Variants in MCC observed in about 807,000 individuals in gnomAD.
MCC encodes the protein MCC regulator of Wnt signaling pathway, also known as colorectal mutant cancer protein.
Under a neutral mutation model 116.2 loss-of-function variants are expected in MCC, and 90 were observed. The ratio of observed to expected loss-of-function variants is 0.77; its 90% CI spans 0.65 to 0.92. The LOEUF is 0.92. Ranked by LOEUF, MCC falls within the 40% of genes least tolerant of loss-of-function variation. The probability of loss-of-function intolerance (pLI) is 0.00; values close to 1 mark genes in which losing one functional copy is unlikely to be tolerated. For synonymous variants in MCC, 578 were observed against 510.5 expected (o/e 1.13, Z -1.78); for missense variants, 1,516 against 1,312.2 (o/e 1.16, Z -2.40).
At chr5:113,320,930 A>G (rs768197527) in intron 3 of MCC, among the ~76,000 whole-genome samples, 35 of 152,346 alleles carry the variant, frequency 2.3e-4, no homozygotes, top group South Asian at 2.1e-4. Context: ...TACTTTCTCA[A>G]ATATTTCCAA....
At chr5:113,189,695 G>C (rs748794715) in intron 3 of MCC, among the ~76,000 whole-genome samples, 14 of 152,162 alleles carry the variant, frequency 9.2e-5, no homozygotes, top group Non-Finnish European at 1.9e-4. Context: ...GCAGGAGGCT[G>C]GCTCCAAGTG....
At chr5:113,381,743 G>A (rs1769128364) in intron 2 of MCC, among the ~76,000 whole-genome samples, 1 of 152,072 alleles carries the variant, frequency 6.6e-6, no homozygotes, top group South Asian at 2.1e-4. Context: ...AGCCATGATT[G>A]CACCACTGCA....
chr5:113,191,779 C>T (rs1762162117), intron 3 of MCC, among the ~76,000 whole-genome samples: 1 of 152,176 alleles, frequency 6.6e-6, no homozygotes, highest in South Asian at 2.1e-4. Flanking sequence ...AGAGCAGCCC[C>T]CAGTGGGCCA....
At chr5:113,159,563 G>T (rs1760366965) in intron 3 of MCC, among the ~76,000 whole-genome samples, 1 of 152,164 alleles carries the variant, frequency 6.6e-6, no homozygotes, top group African/African-American at 2.4e-5. Flanking sequence ...CAATCCAAGA[G>T]CTCGTGGGTA....
chr5:113,481,440 C>T (rs1390677743), intron 1 of MCC, among the ~76,000 whole-genome samples: 1 of 151,984 alleles, frequency 6.6e-6, no homozygotes, highest in African/African-American at 2.4e-5. Context: ...GAGATTACAA[C>T]AAATATAAAT....
chr5:113,266,692 A>G (rs1013035886), intron 3 of MCC, among the ~76,000 whole-genome samples: 52 of 152,254 alleles, frequency 3.4e-4, no homozygotes, highest in African/African-American at 1.2e-3. Context: ...ACTTCCTTAC[A>G]TTTAAAGGCA....
Position 113,327,933 on chromosome 5 carries a change from T to C in MCC, c.627+12586A>G, listed in dbSNP as rs1335344493. ...TACCTAATAGTATTATTCCTCAGTA[T>C]GAAAAATAAATCTGACACATATAAA... On this transcript the variant is annotated intron_variant, in intron 3 of 18. Coordinates refer to ENST00000408903, the MANE Select transcript of MCC (RefSeq NM_001085377.2). 2.0e-5 allele frequency among the ~76,000 whole-genome samples: 3 copies of C among 152,188 alleles called. No individual in the cohort carries two copies. In the East Asian group the frequency reaches 5.8e-4, roughly 29 times the overall value.
intron 1 of MCC, among the ~76,000 whole-genome samples, chr5:113,438,354 TA>T (rs1223669745): frequency 6.6e-6 from 1 of 152,210 alleles, no homozygotes; most frequent in East Asian, 1.9e-4. Context: ...ACGGGGCAGA[TA>T]AATCTGGTTT....
At chr5:113,057,504 A>AAAG (rs149264499) in intron 14 of MCC, among the ~76,000 whole-genome samples, 1 of 6,356 alleles carries the variant, frequency 1.6e-4, no homozygotes, top group Admixed American at 3.5e-3. Context: ...TGTATTTTAA[A>AAAG]AATGAGAGGG....
At chr5:113,270,875 C>T (rs1314702519) in intron 3 of MCC, among the ~76,000 whole-genome samples, 1 of 151,800 alleles carries the variant, frequency 6.6e-6, no homozygotes, top group Non-Finnish European at 1.5e-5. Context: ...AGAAAGATAA[C>T]TGCTTCACTT....
At chr5:113,307,140 C>T (rs1291643999) in intron 3 of MCC, among the ~76,000 whole-genome samples, 1 of 152,158 alleles carries the variant, frequency 6.6e-6, no homozygotes, top group Non-Finnish European at 1.5e-5. Context: ...TCTTCTGAGT[C>T]CCTTGCATTT....
rs780077747 is a variant in MCC, at chr5:113,384,988, G to T, written c.395C>A (p.Thr132Lys). ...CCTACCCAAACTGTTGTCACTGCTC[G>T]TGGGCCAGGAAGCAATTCTATCCCT... ...KLRDRIASWP[T>K]SSDNSLGALS... The change falls in exon 2 of 19, where the codon ACG becomes AAG. Residue 132 changes from threonine to lysine, a missense_variant. By Grantham distance (78) the Thr-to-Lys change is moderately conservative. Coordinates refer to ENST00000408903, the MANE Select transcript of MCC (RefSeq NM_001085377.2). 1 of 1,614,190 alleles carries T rather than the reference G, an allele frequency of 6.2e-7. No homozygotes were observed. Among genetic ancestry groups the T allele is most frequent in the Admixed American group, 1.7e-5 (1 of 60,028 alleles).
intron 8 of MCC, among the ~76,000 whole-genome samples, chr5:113,085,832 G>T (rs1473984116): frequency 6.6e-6 from 1 of 152,058 alleles, no homozygotes; most frequent in Non-Finnish European, 1.5e-5. Context: ...GCTGGGACTA[G>T]GTGCACACAC....
chr5:113,336,240 A>T (rs1767865252), intron 3 of MCC, among the ~76,000 whole-genome samples: 1 of 151,658 alleles, frequency 6.6e-6, no homozygotes, highest in Non-Finnish European at 1.5e-5. Context: ...TGGCAAAAAA[A>T]TTTCCATATG....
chr5:113,158,879 TAC>T (rs1760323449), intron 3 of MCC, among the ~76,000 whole-genome samples: 1 of 152,182 alleles, frequency 6.6e-6, no homozygotes, highest in South Asian at 2.1e-4. Context: ...CAACTCAACA[TAC>T]CACGGCTCTC....
intron 3 of MCC, among the ~76,000 whole-genome samples, chr5:113,196,693 C>CA (rs1448352905): frequency 2.6e-5 from 4 of 152,066 alleles, no homozygotes; most frequent in East Asian, 1.9e-4. Flanking sequence ...ATTAAAAATA[C>CA]AAAAAATTAG....
chr5:113,377,243 A>G lies in MCC; in HGVS notation c.415+7725T>C, dbSNP rs535593846. Among the ~76,000 whole-genome samples, 4 of 152,270 alleles carry G rather than the reference A, an allele frequency of 2.6e-5. No homozygotes were observed. The East Asian group carries it at 7.7e-4, about 29-fold the overall frequency. On this transcript the variant is annotated intron_variant, in intron 2 of 18. Transcript: ENST00000408903. ...GGGTGTTTGCTGCTTGTCACCAAAA[A>G]GCCCTAATATATAGTACAGAAGGAA... is the stretch of plus-strand genomic sequence containing the variant.
intron 3 of MCC, among the ~76,000 whole-genome samples, chr5:113,338,504 C>T (rs755806517): frequency 1.3e-5 from 2 of 152,164 alleles, no homozygotes; most frequent in African/African-American, 2.4e-5. Flanking sequence ...TAGGAAACAG[C>T]CAACTCCCAC....
Position 113,275,962 on chromosome 5 carries a change from C to T in MCC, c.627+64557G>A, listed in dbSNP as rs1463823809. On this transcript the variant is annotated intron_variant, in intron 3 of 18. Coordinates refer to ENST00000408903, the MANE Select transcript of MCC (RefSeq NM_001085377.2). Reference sequence around the variant, plus strand: ...ACAAAACATTCTAAAATTGATTTCACTTGTTTTGTTTTTTTTTTTTTTTTT... The same window carrying T: ...ACAAAACATTCTAAAATTGATTTCATTTGTTTTGTTTTTTTTTTTTTTTTT... 3.8e-4 allele frequency among the ~76,000 whole-genome samples: 55 copies of T among 145,012 alleles called. 1 individual carries two copies. The highest frequency in any genetic ancestry group is 1.4e-4 in the Non-Finnish European group (9 of 66,092).
Sources: allele counts gnomAD v4.1 joint callset (sites outside exome capture counted in the v4.1 genomes callset), GRCh38; gene constraint gnomAD v4.1.1; transcripts MANE v1.5; gene names NCBI Gene and HGNC (gene_info 2026-07-23, HGNC 2026-07-21).